The following CROCC2 variants were observed in gnomAD, a reference collection of about 807,000 sequenced individuals.
The protein encoded by CROCC2 is ciliary rootlet coiled-coil protein 2.
In CROCC2, 163 loss-of-function variants were observed where a neutral mutation model predicts 177.6. The observed-to-expected ratio is 0.92, with a 90% confidence interval of 0.81 to 1.05. The LOEUF is 1.05. Ranked by LOEUF, CROCC2 falls within the 50% of genes least tolerant of loss-of-function variation. The pLI, the probability that CROCC2 is intolerant of heterozygous loss-of-function variation, is 0.00. For missense variants in CROCC2, 1,929 were observed against 1,797.8 expected, an observed-to-expected ratio of 1.07 and a Z score of -1.32; for synonymous variants, 904 against 787.3, an observed-to-expected ratio of 1.15 and a Z score of -2.48.
At chr2:240,968,783 G>A (rs375965658) in intron 27 of CROCC2, among the ~76,000 whole-genome samples, 1 of 152,326 alleles carries the variant, frequency 6.6e-6, no homozygotes, top group African/African-American at 2.4e-5. Context: ...TGCTGGGGAG[G>A]TGCCCGCTGG....
At chr2:240,983,613 G>A (rs2059817082) in intron 28 of CROCC2, 1 of 1,284,984 alleles carries the variant, frequency 7.8e-7, no homozygotes, top group Non-Finnish European at 1.0e-6. Context: ...AGAGGAAGGA[G>A]GAGCTCCTGG....
rs908540995 is a variant in CROCC2, at chr2:240,933,218, G to T, written c.1339G>T (p.Ala447Ser). 1.2e-5 allele frequency: 18 copies of T among 1,549,698 alleles called. No homozygotes were observed. The highest frequency in any genetic ancestry group is 8.2e-5 in the African/African-American group (6 of 73,048). Residue 447 changes from alanine to serine, a missense_variant, in exon 10 of 32, where the codon GCA (alanine) becomes TCA (serine). Coordinates refer to ENST00000690015, the MANE Select transcript of CROCC2 (RefSeq NM_001351305.2). ...LSESRRELWAAQKLQQERARE... is the reference protein window; with the variant it reads ...LSESRRELWASQKLQQERARE... ...CGAAAGCCGGCGGGAGCTGTGGGCC[G>T]CACAGAAGCTCCAGCAGGAGCGGGC... is the stretch of plus-strand genomic sequence containing the variant.
At chr2:240,913,069 C>T (rs2059298449) in intron 1 of CROCC2, among the ~76,000 whole-genome samples, 1 of 152,230 alleles carries the variant, frequency 6.6e-6, no homozygotes, top group Non-Finnish European at 1.5e-5. Context: ...GGCCACTGTG[C>T]TAACAACACG....
chr2:240,975,785 A>C (rs2059757867), intron 27 of CROCC2, among the ~76,000 whole-genome samples: 1 of 132,556 alleles, frequency 7.5e-6, no homozygotes, highest in Non-Finnish European at 1.5e-5. Flanking sequence ...GCTGGAGTGC[A>C]GTGGCACGGT....
intron 27 of CROCC2, among the ~76,000 whole-genome samples, chr2:240,969,224 A>G (rs966970116): frequency 6.6e-6 from 1 of 152,166 alleles, no homozygotes; most frequent in African/African-American, 2.4e-5. Flanking sequence ...GTTGGCAGAA[A>G]GGCCCCAAGG....
intron 28 of CROCC2, chr2:240,983,730 G>T: frequency 1.2e-6 from 1 of 820,448 alleles, no homozygotes; most frequent in Non-Finnish European, 1.7e-6. Flanking sequence ...ACGCCCGCAG[G>T]TGGCCACAGC....
At chr2:240,932,669 G>A (rs995605481) in intron 8 of CROCC2, 33 bp from the exon 9 acceptor site, 3 of 722,108 alleles carry the variant, frequency 4.2e-6, no homozygotes, top group Non-Finnish European at 7.7e-6. Context: ...TGTGCTCTGG[G>A]CCCCTCTATC....
intron 1 of CROCC2, among the ~76,000 whole-genome samples, chr2:240,916,309 G>C (rs1574744133): frequency 6.6e-6 from 1 of 151,592 alleles, no homozygotes; most frequent in Non-Finnish European, 1.5e-5. Flanking sequence ...GTGGTTCCAT[G>C]GGGGCGGCGC....
intron 27 of CROCC2, among the ~76,000 whole-genome samples, chr2:240,970,232 CTT>C (rs1361349323): frequency 6.6e-6 from 1 of 152,164 alleles, no homozygotes; most frequent in Non-Finnish European, 1.5e-5. Flanking sequence ...TCTCGGTTAA[CTT>C]TTCCTGAGTG....
In CROCC2 at chr2:240,965,920, G is replaced by A. The variant is rs920755078; in HGVS notation, c.3888G>A (p.Thr1296=). The A allele has an allele frequency of 6.3e-6, 9 of 1,421,806 alleles. No individual in the cohort carries two copies. The highest frequency in any genetic ancestry group is 6.5e-5 in the Admixed American group (2 of 30,956). The allele number at this position is 1,421,806 out of a possible 1,614,324, so 88.1% of individuals were successfully genotyped here. The change falls in exon 24 of 32, where the codon ACG becomes ACA. Residue 1296 remains threonine, a synonymous_variant. Coordinates refer to ENST00000690015, the MANE Select transcript of CROCC2 (RefSeq NM_001351305.2). ...AEAQLGRLCS[T]LRRGLGLQRQ... is the part of the protein sequence containing the mutation. ...CCCAGCTGGGCCGGCTGTGCTCCAC[G>A]CTCCGCCGTGGCCTGGGGCTCCAGA...
chr2:240,955,808 C>T (rs2059586687), intron 18 of CROCC2, 51 bp from the exon 19 acceptor site: 4 of 1,331,808 alleles, frequency 3.0e-6, no homozygotes, highest in Non-Finnish European at 4.2e-6. Context: ...GGGCCTCTTC[C>T]CTCCCCCGAG....
intron 1 of CROCC2, among the ~76,000 whole-genome samples, chr2:240,909,768 G>A (rs944505426): frequency 6.6e-6 from 1 of 152,202 alleles, no homozygotes; most frequent in African/African-American, 2.4e-5. Context: ...TATTTTTGCT[G>A]TAGTGATTGA....
intron 9 of CROCC2, 55 bp downstream of exon 9, chr2:240,932,963 C>T (rs1226948461): frequency 2.6e-6 from 4 of 1,530,862 alleles, no homozygotes; most frequent in Non-Finnish European, 3.5e-6. Context: ...GAAACATGAG[C>T]CCCTCAGGCT....
chr2:240,921,421 C>A (rs1395429965), intron 3 of CROCC2, among the ~76,000 whole-genome samples: 1 of 152,224 alleles, frequency 6.6e-6, no homozygotes, highest in East Asian at 1.9e-4. Flanking sequence ...TTCCTGGGAG[C>A]CCCTACAGCT....
chr2:240,919,988 G>A lies in CROCC2; in HGVS notation c.235G>A (p.Val79Ile), dbSNP rs761911970. Residue 79 changes from valine (V) to isoleucine (I), a missense_variant, in exon 3 of 32, where the codon GTA (valine) becomes ATA (isoleucine). This residue lies in a region of CROCC2 where 1,397 missense variants were observed against 1,239.9 expected (regional missense o/e 1.13). Coordinates refer to ENST00000690015, the MANE Select transcript of CROCC2 (RefSeq NM_001351305.2). ...CTGACCCAGGTACCGTGCAGCAGGG[G>A]TACAGGAGCCGACAGCCACTGTGGC... ...SLSEEPPQAG[V>I]QEPTATVARV... 34 of 716,564 alleles carry A rather than the reference G, an allele frequency of 4.7e-5. No homozygotes were observed. Among genetic ancestry groups the A allele is most frequent in the Non-Finnish European group, 7.8e-5 (30 of 384,920 alleles). The allele number at this position is 716,564 out of a possible 1,614,324, so 44.4% of individuals were successfully genotyped here. A position where few individuals can be genotyped will look rare whatever the true frequency, so the allele number is the denominator to read the frequency against.
chr2:240,975,719 CTTTTTTTTTTTTTT>C (rs55896940), intron 27 of CROCC2, among the ~76,000 whole-genome samples: 1 of 88,008 alleles, frequency 1.1e-5, no homozygotes, highest in Non-Finnish European at 2.2e-5. Flanking sequence ...AACCAGCCTG[CTTTTTTTTTTTTTT>C]TTTTTTTTTT....
At chr2:240,927,344 C>T (rs2059401551) in intron 5 of CROCC2, among the ~76,000 whole-genome samples, 1 of 152,160 alleles carries the variant, frequency 6.6e-6, no homozygotes, top group Non-Finnish European at 1.5e-5. Context: ...TTGGGGAAGT[C>T]AATATTCTTT....
Position 240,946,111 on chromosome 2 carries a change from G to T in CROCC2, c.2221G>T (p.Asp741Tyr). 1.3e-6 allele frequency: 2 copies of T among 1,539,794 alleles called. No homozygotes were observed. Among genetic ancestry groups the T allele is most frequent in the Non-Finnish European group, 1.8e-6 (2 of 1,138,268 alleles). Residue 741 changes from aspartate to tyrosine, a missense_variant, in exon 15 of 32, where the codon GAC becomes TAC. This residue lies in a region of CROCC2 where 1,397 missense variants were observed against 1,239.9 expected (regional missense o/e 1.13). Transcript: ENST00000690015. ...LEEQLAQSLQ[D>Y]QEAQMGTLQQ... ...GGAGCAGCTGGCTCAGAGCCTGCAGGACCAGGAGGCCCAGATGGGCACTCT... is the reference window on the plus strand; with the variant it reads ...GGAGCAGCTGGCTCAGAGCCTGCAGTACCAGGAGGCCCAGATGGGCACTCT...
intron 27 of CROCC2, chr2:240,981,714 C>T (rs2059801757): frequency 6.6e-6 from 1 of 152,044 alleles, no homozygotes; most frequent in African/African-American, 2.4e-5. Flanking sequence ...GCATTGTCTT[C>T]CTTCTTTTCC....
Sources: gnomAD v4.1 joint callset for allele counts (sites outside exome capture counted in the v4.1 genomes callset) on GRCh38, gnomAD v4.1.1 for gene constraint, gnomAD v4.1.1 regional missense constraint, MANE v1.5 for transcripts, NCBI Gene and HGNC (gene_info 2026-07-23, HGNC 2026-07-21) for gene names.